Variants in MAF observed in about 807,000 individuals in gnomAD.
MAF encodes MAF bZIP transcription factor, also known as transcription factor Maf.
A neutral mutation model predicts 22.0 loss-of-function variants in MAF; 10 were observed. The ratio of observed to expected loss-of-function variants is 0.45; its 90% CI spans 0.28 to 0.77. The LOEUF is 0.77. Among genes scored for constraint, MAF ranks in the 30% least tolerant of loss-of-function variants. The pLI is 0.12. For synonymous variants in MAF, 337 were observed against 255.8 expected, an observed-to-expected ratio of 1.32 and a Z score of -3.03; for missense variants, 544 against 548.4, an observed-to-expected ratio of 0.99 and a Z score of 0.08.
the MAF span, among the ~76,000 whole-genome samples, chr16:79,271,105 G>A: frequency 1.2e-4 from 18 of 148,672 alleles, no homozygotes; most frequent in East Asian, 9.9e-4. Context: ...TAGTAGAGAC[G>A]GGGTTTCGCC....
the MAF span, among the ~76,000 whole-genome samples, chr16:79,351,030 G>A: frequency 2.0e-5 from 3 of 152,156 alleles, no homozygotes; most frequent in African/African-American, 7.2e-5. Flanking sequence ...CAGACACACT[G>A]GCCACTTCCC....
chr16:79,582,558 G>T (rs1912584955), downstream of MAF, among the ~76,000 whole-genome samples: 1 of 152,194 alleles, frequency 6.6e-6, no homozygotes, highest in Admixed American at 6.5e-5. Flanking sequence ...CGGCTCAGTA[G>T]TGGGCCAGTG....
the MAF span, among the ~76,000 whole-genome samples, chr16:79,522,288 T>C: frequency 3.3e-5 from 5 of 152,188 alleles, no homozygotes; most frequent in African/African-American, 9.7e-5. Context: ...ACATTTCTCT[T>C]TTTACATGAG....
At chr16:79,214,813 C>A in the MAF span, among the ~76,000 whole-genome samples, 4 of 143,284 alleles carry the variant, frequency 2.8e-5, no homozygotes, top group Non-Finnish European at 4.5e-5. Context: ...CCGGTTCAAG[C>A]GATTCTCCTG....
the MAF span, among the ~76,000 whole-genome samples, chr16:79,480,629 T>C: frequency 1.3e-5 from 2 of 152,048 alleles, no homozygotes; most frequent in African/African-American, 4.8e-5. Context: ...GGTAGAAGGG[T>C]TGGGGAGAGG....
the MAF span, among the ~76,000 whole-genome samples, chr16:79,305,624 AATAG>A: frequency 7.9e-5 from 12 of 152,146 alleles, no homozygotes; most frequent in Non-Finnish European, 1.5e-4. Flanking sequence ...CCAGAGAGAT[AATAG>A]ATAAATTGGA....
the MAF span, among the ~76,000 whole-genome samples, chr16:79,355,766 C>A: frequency 9.2e-5 from 14 of 152,164 alleles, no homozygotes; most frequent in African/African-American, 3.4e-4. Context: ...AACAGATCAA[C>A]TCTCCCGGCC....
At chr16:79,229,723 C>G in the MAF span, among the ~76,000 whole-genome samples, 5 of 151,952 alleles carry the variant, frequency 3.3e-5, no homozygotes, top group Non-Finnish European at 7.4e-5. Flanking sequence ...AGGAGTGCAC[C>G]GAGCAAAGCG....
chr16:79,441,940 C>G, the MAF span, among the ~76,000 whole-genome samples: 1 of 152,144 alleles, frequency 6.6e-6, no homozygotes. Flanking sequence ...GATTTGGACA[C>G]AGAGAGGCAC....
the MAF span, among the ~76,000 whole-genome samples, chr16:79,213,909 T>C: frequency 6.6e-6 from 1 of 152,152 alleles, no homozygotes; most frequent in Non-Finnish European, 1.5e-5. Flanking sequence ...CCTACTTCTC[T>C]TATAATTTGG....
the MAF span, among the ~76,000 whole-genome samples, chr16:79,313,816 T>G: frequency 3.3e-5 from 5 of 152,144 alleles, no homozygotes; most frequent in African/African-American, 9.7e-5. Context: ...GGGCCCAGGC[T>G]TGGAGTCAGG....
the MAF span, among the ~76,000 whole-genome samples, chr16:79,320,191 T>C: frequency 8.5e-5 from 13 of 152,208 alleles, no homozygotes; most frequent in Non-Finnish European, 1.6e-4. Flanking sequence ...TGGAAACCAC[T>C]GAAAAGGTTT....
At chr16:79,448,560 G>A in the MAF span, among the ~76,000 whole-genome samples, 3 of 151,816 alleles carry the variant, frequency 2.0e-5, no homozygotes, top group Non-Finnish European at 2.9e-5. Context: ...CGAGGAGCTG[G>A]GATTACAGGT....
the MAF span, among the ~76,000 whole-genome samples, chr16:79,296,351 A>G: frequency 6.6e-6 from 1 of 152,112 alleles, no homozygotes; most frequent in Non-Finnish European, 1.5e-5. Context: ...GGGGAACAAC[A>G]CACACTGGGG....
the MAF span, among the ~76,000 whole-genome samples, chr16:79,564,968 C>T: frequency 6.6e-6 from 1 of 152,166 alleles, no homozygotes; most frequent in Admixed American, 6.5e-5. Context: ...TACCTCGAAC[C>T]TTACACATGT....
chr16:79,322,427 T>G, the MAF span, among the ~76,000 whole-genome samples: 2 of 152,054 alleles, frequency 1.3e-5, no homozygotes, highest in African/African-American at 4.8e-5. Flanking sequence ...ATTATGCTTG[T>G]GATTTGAGAA....
In MAF at chr16:79,598,165, C is replaced by A. The variant is rs1020127609; in HGVS notation, c.1118+620G>T. ...CTCAGGAGAAGAAAAAAAAACTTTG[C>A]TTTTTTTTTTCTTTCATCTCGGAAG... On this transcript the variant is annotated intron_variant, in intron 1 of 1. Coordinates refer to ENST00000326043, the MANE Select transcript of MAF (RefSeq NM_005360.5). The A allele has an allele frequency of 3.1e-6, 3 of 976,768 alleles. No individual in the cohort carries two copies. In the African/African-American group the frequency reaches 5.3e-5, roughly 17 times the overall value. 60.5% of individuals were successfully genotyped at this position (976,768 alleles called of 1,614,324 possible). A position where few individuals can be genotyped will look rare whatever the true frequency, so the allele number is the denominator to read the frequency against.
At chr16:79,476,504 G>T in the MAF span, among the ~76,000 whole-genome samples, 2 of 152,216 alleles carry the variant, frequency 1.3e-5, no homozygotes, top group Non-Finnish European at 2.9e-5. Context: ...CATTTCTTAA[G>T]ATTGGGACAT....
At chr16:79,298,939 C>T in the MAF span, among the ~76,000 whole-genome samples, 35 of 152,354 alleles carry the variant, frequency 2.3e-4, no homozygotes, top group African/African-American at 7.7e-4. Flanking sequence ...TGTGGTAGGC[C>T]GATCCTCTCA....
Sources: gnomAD v4.1 joint callset for allele counts (sites outside exome capture counted in the v4.1 genomes callset) on GRCh38, gnomAD v4.1.1 for gene constraint, MANE v1.5 for transcripts, NCBI Gene and HGNC (gene_info 2026-07-23, HGNC 2026-07-21) for gene names.